STK32B: variants seen among roughly 807,000 people sequenced by gnomAD.
The protein encoded by STK32B is serine/threonine-protein kinase 32B.
A neutral mutation model predicts 52.6 loss-of-function variants in STK32B; 43 were observed. The observed-to-expected ratio is 0.82, with a 90% CI of 0.64 to 1.05. The LOEUF is 1.05. Ranked by LOEUF, STK32B falls within the 50% of genes least tolerant of loss-of-function variation. The pLI, the probability that STK32B is intolerant of heterozygous loss-of-function variation, is 0.00. For missense variants in STK32B, 621 were observed against 534.6 expected, an observed-to-expected ratio of 1.16 and a Z score of -1.59; for synonymous variants, 238 against 204.3, an observed-to-expected ratio of 1.17 and a Z score of -1.41.
chr4:5,339,565 G>A lies in STK32B; in HGVS notation c.434+8172G>A, dbSNP rs374223184. 6.6e-5 allele frequency among the ~76,000 whole-genome samples: 10 copies of A among 152,214 alleles called. 1 individual carries two copies. Among genetic ancestry groups the A allele is most frequent in the South Asian group, 4.2e-4 (2 of 4,810 alleles). On this transcript the variant is annotated intron_variant, in intron 4 of 11. Coordinates refer to ENST00000282908, the MANE Select transcript of STK32B (RefSeq NM_018401.3). ...GCTGAATTTATGAATCCTCCACTGC[G>A]TATGTACCAGACACTTTCAATGCCG...
intron 6 of STK32B, among the ~76,000 whole-genome samples, chr4:5,430,763 G>A (rs1200661087): frequency 1.3e-5 from 2 of 152,156 alleles, no homozygotes; most frequent in South Asian, 4.1e-4. Context: ...CTTGAGTTTT[G>A]TTGTTCTGTG....
At chr4:5,318,172 C>A (rs936503491) in intron 3 of STK32B, among the ~76,000 whole-genome samples, 41 of 152,010 alleles carry the variant, frequency 2.7e-4, no homozygotes, top group Non-Finnish European at 1.5e-4. Flanking sequence ...AAAGGGCAGA[C>A]AGCACACAAC....
At chr4:5,318,013 C>G (rs768259672) in intron 3 of STK32B, among the ~76,000 whole-genome samples, 1 of 152,138 alleles carries the variant, frequency 6.6e-6, no homozygotes, top group South Asian at 2.1e-4. Context: ...ACAAGGTCCC[C>G]AGATCCTTCT....
upstream of STK32B, chr4:5,051,405 A>C (rs1483510266): frequency 5.6e-6 from 1 of 178,716 alleles, no homozygotes; most frequent in Non-Finnish European, 1.2e-5. Flanking sequence ...TTCCGGGCCG[A>C]TCCCTTTCTC....
intron 3 of STK32B, among the ~76,000 whole-genome samples, chr4:5,322,211 CA>C: frequency 6.6e-6 from 1 of 152,094 alleles, no homozygotes; most frequent in East Asian, 1.9e-4. Context: ...TTATTAAAGA[CA>C]TGTATCAGGC....
intron 4 of STK32B, among the ~76,000 whole-genome samples, chr4:5,387,474 A>T (rs1344640954): frequency 6.6e-6 from 1 of 152,188 alleles, no homozygotes; most frequent in Non-Finnish European, 1.5e-5. Flanking sequence ...AACCTGGTGC[A>T]CCCAGGGCTT....
chr4:5,133,441 C>G (rs1029235251), intron 1 of STK32B, among the ~76,000 whole-genome samples: 7 of 152,124 alleles, frequency 4.6e-5, no homozygotes, highest in African/African-American at 1.7e-4. Context: ...AGCTCCCTAC[C>G]CATACTCCCA....
intron 5 of STK32B, among the ~76,000 whole-genome samples, chr4:5,411,503 C>T (rs189433427): frequency 6.6e-6 from 1 of 152,296 alleles, no homozygotes; most frequent in Non-Finnish European, 1.5e-5. Context: ...TAGCTACTTG[C>T]ATAGCCTTTC....
At chr4:5,093,737 A>G (rs1713230600) in intron 1 of STK32B, among the ~76,000 whole-genome samples, 4 of 152,220 alleles carry the variant, frequency 2.6e-5, no homozygotes, top group Admixed American at 2.6e-4. Context: ...TGTGATGCTA[A>G]TAATCTCCAG....
intron 11 of STK32B, among the ~76,000 whole-genome samples, chr4:5,496,802 C>T (rs1189151020): frequency 2.0e-5 from 3 of 147,436 alleles, no homozygotes; most frequent in Non-Finnish European, 4.5e-5. Context: ...TTTTTCTTTG[C>T]TTTAAAAAAA....
chr4:5,312,571 G>A (rs1042089151), intron 3 of STK32B, among the ~76,000 whole-genome samples: 2 of 151,870 alleles, frequency 1.3e-5, no homozygotes, highest in Non-Finnish European at 2.9e-5. Flanking sequence ...TTTACTGAGA[G>A]TGATGATTTC....
Position 5,400,950 on chromosome 4 carries a change from G to A in STK32B, c.472+2706G>A, listed in dbSNP as rs115882446. On this transcript the variant is annotated intron_variant, in intron 5 of 11. Transcript: ENST00000282908. The surrounding 1 kb of genome is among the most constrained non-coding windows in gnomAD (Gnocchi z 6.1). ...AGCTCAGGAGAGGTCGGGCAGAGGG[G>A]AGAGGGAAAGGTGTGTGCGGGGTTG... Among the ~76,000 whole-genome samples, 698 of 152,240 alleles carry A rather than the reference G, an allele frequency of 4.6e-3. 6 individuals are homozygous for A. The highest frequency in any genetic ancestry group is 0.016 in the African/African-American group (680 of 41,542).
intron 3 of STK32B, among the ~76,000 whole-genome samples, chr4:5,182,062 A>G (rs1016969235): frequency 6.6e-6 from 1 of 152,216 alleles, no homozygotes; most frequent in East Asian, 1.9e-4. Context: ...TATTCATGGC[A>G]TCTTCATATG....
intron 2 of STK32B, among the ~76,000 whole-genome samples, chr4:5,146,370 A>G (rs887269836): frequency 1.6e-4 from 24 of 152,210 alleles, no homozygotes; most frequent in African/African-American, 5.5e-4. Context: ...GTGTAAGTCC[A>G]AGAATCCAAA....
At chr4:5,309,527 A>G (rs956568880) in intron 3 of STK32B, among the ~76,000 whole-genome samples, 2 of 152,238 alleles carry the variant, frequency 1.3e-5, no homozygotes, top group Non-Finnish European at 2.9e-5. Flanking sequence ...TGGTGTTGAC[A>G]TGAAACCACA....
At chr4:5,385,685 C>G (rs1736201515) in intron 4 of STK32B, among the ~76,000 whole-genome samples, 1 of 152,056 alleles carries the variant, frequency 6.6e-6, no homozygotes, top group African/African-American at 2.4e-5. Flanking sequence ...TCGTTTGTTG[C>G]ACTTAGAGCA....
chr4:5,406,093 A>G (rs1041852829), intron 5 of STK32B, among the ~76,000 whole-genome samples: 1 of 152,198 alleles, frequency 6.6e-6, no homozygotes, highest in Non-Finnish European at 1.5e-5. Context: ...GGTAAATACA[A>G]CTGTTCCAAA....
chr4:5,118,374 C>A (rs1210328575), intron 1 of STK32B, among the ~76,000 whole-genome samples: 1 of 152,158 alleles, frequency 6.6e-6, no homozygotes, highest in Non-Finnish European at 1.5e-5. Context: ...TCTTATGATC[C>A]TTTGTATTTC....
At chr4:5,441,763 A>G (rs1207751397) in intron 6 of STK32B, among the ~76,000 whole-genome samples, 27 of 143,090 alleles carry the variant, frequency 1.9e-4, no homozygotes, top group African/African-American at 5.5e-4. Context: ...TTCCCTCTAC[A>G]CACTGCTTTG....
Sources: allele counts gnomAD v4.1 joint callset (sites outside exome capture counted in the v4.1 genomes callset), GRCh38; gene constraint gnomAD v4.1.1; non-coding constraint Gnocchi (gnomAD v3.1); transcripts MANE v1.5; gene names NCBI Gene and HGNC (gene_info 2026-07-23, HGNC 2026-07-21).